Variants in KCNK9 observed in about 807,000 individuals in gnomAD.
KCNK9 encodes the protein potassium channel subfamily K member 9.
KCNK9 carries 1 observed loss-of-function variant against 10.8 expected under a neutral mutation model. The observed-to-expected ratio is 0.09, with a 90% CI of 0.03 to 0.44. The LOEUF is 0.44. Among genes scored for constraint, KCNK9 ranks in the 20% least tolerant of loss-of-function variants. The pLI, the probability that KCNK9 is intolerant of heterozygous loss-of-function variation, is 0.97. For synonymous variants in KCNK9, 231 were observed against 222.7 expected, an observed-to-expected ratio of 1.04 and a Z score of -0.33; for missense variants, 303 against 515.0, an observed-to-expected ratio of 0.59 and a Z score of 3.98.
intron 1 of KCNK9, among the ~76,000 whole-genome samples, chr8:139,668,421 AC>A (rs200794645): frequency 0.019 from 2,023 of 109,230 alleles, 26 homozygotes; most frequent in Middle Eastern, 0.04. Flanking sequence ...TGTAAACAAT[AC>A]TTTTTTTTTT....
intron 1 of KCNK9, among the ~76,000 whole-genome samples, chr8:139,650,735 A>C (rs1815837903): frequency 6.6e-6 from 1 of 152,180 alleles, no homozygotes; most frequent in African/African-American, 2.4e-5. Flanking sequence ...CTGAGAAATG[A>C]GAAATCTTCC....
At chr8:139,670,160 G>GCAGT (rs1816393813) in intron 1 of KCNK9, among the ~76,000 whole-genome samples, 1 of 152,230 alleles carries the variant, frequency 6.6e-6, no homozygotes, top group African/African-American at 2.4e-5. Flanking sequence ...GGTGGGTGGA[G>GCAGT]CAGTCAGAAC....
rs146671933 is a variant in KCNK9 at position 139,674,803 on chromosome 8, G to A, written c.283+27907C>T. On this transcript the variant is annotated intron_variant, in intron 1 of 1. Transcript: ENST00000520439. Reference sequence around the variant, plus strand: ...TAGCAGCAAGACAGGGACTCAGCCCGGGGTGGGGCCTGCGAGGCCCACACC... The same window carrying A: ...TAGCAGCAAGACAGGGACTCAGCCCAGGGTGGGGCCTGCGAGGCCCACACC... Among the ~76,000 whole-genome samples, 1,274 of 152,244 alleles carry A rather than the reference G, an allele frequency of 8.4e-3. 19 individuals are homozygous for A. The highest frequency in any genetic ancestry group is 0.028 in the African/African-American group (1,169 of 41,534).
At chr8:139,687,565 T>C (rs528595010) in intron 1 of KCNK9, among the ~76,000 whole-genome samples, 12 of 123,502 alleles carry the variant, frequency 9.7e-5, no homozygotes, top group East Asian at 4.2e-4. Context: ...TATGTATACA[T>C]ATATTCATAT....
At chr8:139,668,417 C>G (rs1371350316) in intron 1 of KCNK9, among the ~76,000 whole-genome samples, 9 of 128,242 alleles carry the variant, frequency 7.0e-5, no homozygotes, top group Non-Finnish European at 1.4e-4. Flanking sequence ...ATAGTGTAAA[C>G]AATACTTTTT....
chr8:139,662,498 C>A (rs1816181538), intron 1 of KCNK9, among the ~76,000 whole-genome samples: 1 of 152,124 alleles, frequency 6.6e-6, no homozygotes, highest in Non-Finnish European at 1.5e-5. Flanking sequence ...AAAGGAGGCT[C>A]AAGTTCTGTG....
At chr8:139,689,163 T>C (rs976859350) in intron 1 of KCNK9, among the ~76,000 whole-genome samples, 8 of 152,162 alleles carry the variant, frequency 5.3e-5, no homozygotes, top group African/African-American at 1.4e-4. Flanking sequence ...TGCTGACACC[T>C]TGATCTTGGA....
chr8:139,661,516 A>G (rs772075315), intron 1 of KCNK9, among the ~76,000 whole-genome samples: 36 of 152,222 alleles, frequency 2.4e-4, no homozygotes, highest in Admixed American at 8.5e-4. Flanking sequence ...GGAAGCAAGC[A>G]GAGCCCACAG....
At chr8:139,668,308 G>T (rs1816346690) in intron 1 of KCNK9, among the ~76,000 whole-genome samples, 1 of 151,752 alleles carries the variant, frequency 6.6e-6, no homozygotes, top group Non-Finnish European at 1.5e-5. Flanking sequence ...AACAAATCTG[G>T]ACATGTACCC....
chr8:139,640,799 C>T (rs185777631), intron 1 of KCNK9, among the ~76,000 whole-genome samples: 13 of 152,322 alleles, frequency 8.5e-5, no homozygotes, highest in African/African-American at 2.9e-4. Flanking sequence ...CTTGTTGCTG[C>T]GTCATCCACA....
intron 1 of KCNK9, among the ~76,000 whole-genome samples, chr8:139,645,795 C>G (rs1815657806): frequency 6.6e-6 from 1 of 152,190 alleles, no homozygotes; most frequent in African/African-American, 2.4e-5. Context: ...GAGGAATCCA[C>G]CATCGCCTGG....
Position 139,703,029 on chromosome 8 carries a change from C to G in KCNK9, c.-37G>C. 6.5e-7 allele frequency: 1 copy of G among 1,537,944 alleles called. No homozygotes were observed. The highest frequency in any genetic ancestry group is 8.7e-7 in the Non-Finnish European group (1 of 1,145,886). On this transcript the variant is annotated 5_prime_UTR_variant, in exon 1 of 2. Transcript: ENST00000520439. The surrounding 1 kb of genome is among the most constrained non-coding windows in gnomAD (Gnocchi z 6.4). ...AGGAGCCGGCGCGGGGGGCATGTCC[C>G]GCAGGCTCACAGCCGCGCGCGTCCC... is the stretch of plus-strand genomic sequence containing the variant.
intron 1 of KCNK9, among the ~76,000 whole-genome samples, chr8:139,700,564 A>AT (rs1490970811): frequency 6.7e-6 from 1 of 148,518 alleles, no homozygotes; most frequent in Non-Finnish European, 1.5e-5. Flanking sequence ...ACACACACAC[A>AT]TTTTTTTCCC....
At chr8:139,663,220 A>C (rs1252496797) in intron 1 of KCNK9, among the ~76,000 whole-genome samples, 1 of 152,140 alleles carries the variant, frequency 6.6e-6, no homozygotes, top group Non-Finnish European at 1.5e-5. Flanking sequence ...ACACACGTGC[A>C]CACACACAGG....
chr8:139,637,740 G>T (rs1815381055), intron 1 of KCNK9, among the ~76,000 whole-genome samples: 1 of 96,840 alleles, frequency 1.0e-5, no homozygotes, highest in Non-Finnish European at 2.3e-5. Flanking sequence ...TAAAAGGATA[G>T]ATCTTAAGTA....
In KCNK9 at chr8:139,618,507, G is replaced by C. The variant is rs761452391; in HGVS notation, c.876C>G (p.Asp292Glu). The C allele has an allele frequency of 1.2e-6, 2 of 1,613,628 alleles. No individual in the cohort carries two copies. Among genetic ancestry groups the C allele is most frequent in the Admixed American group, 3.3e-5 (2 of 60,034 alleles). Residue 292 changes from aspartate to glutamate, a missense_variant, in exon 2 of 2, where the codon GAC becomes GAG. Asp to Glu is a conservative substitution (Grantham distance 45, BLOSUM62 2). Around this residue, in one of 5 missense-constraint regions of KCNK9, gnomAD observed 138 missense variants for 161.1 expected, o/e 0.86. Coordinates refer to ENST00000520439, the MANE Select transcript of KCNK9 (RefSeq NM_001282534.2). This position sits in a 1 kb window ranked among gnomAD's most constrained non-coding sequence, Gnocchi z 7.9. ...AGGTGCAGGAGCACACAGACTGCAG[G>C]TCCGGGACGTCCGCCTTGTACCTGG... Reference protein sequence around the residue: ...SRPRYKADVPDLQSVCSCTCY... With the variant: ...SRPRYKADVPELQSVCSCTCY...
At chr8:139,603,249 C>A (rs1307581021) in intron 2 of KCNK9, among the ~76,000 whole-genome samples, 1 of 152,166 alleles carries the variant, frequency 6.6e-6, no homozygotes, top group Non-Finnish European at 1.5e-5. Context: ...CCCCCAATTC[C>A]TCATTTGGGC....
chr8:139,610,545 A>T (rs572384185), downstream of KCNK9, among the ~76,000 whole-genome samples: 2 of 152,330 alleles, frequency 1.3e-5, no homozygotes, highest in Admixed American at 6.5e-5. Context: ...ATCCAGAAAG[A>T]TCCCCATATG....
At chr8:139,644,718 C>A (rs1406939739) in intron 1 of KCNK9, among the ~76,000 whole-genome samples, 8 of 113,570 alleles carry the variant, frequency 7.0e-5, no homozygotes, top group African/African-American at 1.8e-4. Flanking sequence ...TGCCCTGTCC[C>A]CCCCCCCCAG....
Sources: gnomAD v4.1 joint callset for allele counts (sites outside exome capture counted in the v4.1 genomes callset) on GRCh38, gnomAD v4.1.1 for gene constraint, gnomAD v4.1.1 regional missense constraint, Gnocchi (gnomAD v3.1) non-coding constraint, MANE v1.5 for transcripts, NCBI Gene and HGNC (gene_info 2026-07-23, HGNC 2026-07-21) for gene names.